The following FHIT variants were observed in gnomAD, a reference collection of about 807,000 sequenced individuals.
The protein encoded by FHIT is fragile histidine triad diadenosine triphosphatase.
Under a neutral mutation model 17.9 loss-of-function variants are expected in FHIT, and 19 were observed. That is an observed-to-expected ratio of 1.06 (90% CI 0.74 to 1.56). FHIT has a LOEUF of 1.56. FHIT is among the 40% of genes most tolerant of loss of function. FHIT has a pLI of 0.00. For missense variants in FHIT, 248 were observed against 189.2 expected (o/e 1.31, Z -1.82); for synonymous variants, 81 against 69.7 (o/e 1.16, Z -0.81).
intron 4 of FHIT, among the ~76,000 whole-genome samples, chr3:60,706,578 C>CG (rs2041378869): frequency 6.6e-6 from 1 of 152,086 alleles, no homozygotes; most frequent in African/African-American, 2.4e-5. Context: ...TTTAAAACAG[C>CG]ATTTTGTCAC....
At chr3:60,986,549 A>C (rs1040024230) in intron 3 of FHIT, among the ~76,000 whole-genome samples, 3 of 152,208 alleles carry the variant, frequency 2.0e-5, no homozygotes, top group Non-Finnish European at 4.4e-5. Flanking sequence ...TACTGCCAAC[A>C]GTAAATCTTT....
rs145703145 is a variant in FHIT at position 60,716,545 on chromosome 3, A to T, written c.-18+105374T>A. Among the ~76,000 whole-genome samples, 67 of 152,182 alleles carry T rather than the reference A, an allele frequency of 4.4e-4. 1 individual carries two copies. Among genetic ancestry groups the T allele is most frequent in the African/African-American group, 1.5e-3 (62 of 41,508 alleles). On this transcript the variant is annotated intron_variant, in intron 4 of 9. Transcript: ENST00000492590. ...GGGCAGTAACAGGCATGAAGTTCTT[A>T]CCTCCAATGAAAACAATGCCTTCTT...
intron 8 of FHIT, among the ~76,000 whole-genome samples, chr3:59,786,794 ATCT>A (rs1461040176): frequency 6.6e-6 from 1 of 152,244 alleles, no homozygotes; most frequent in Non-Finnish European, 1.5e-5. Context: ...CCATGTAGTC[ATCT>A]GTCTTGTGAG....
intron 4 of FHIT, among the ~76,000 whole-genome samples, chr3:60,575,077 A>G (rs73834241): frequency 0.012 from 1,817 of 152,248 alleles, 33 homozygotes; most frequent in African/African-American, 0.04. Context: ...ATCAGTCTCC[A>G]AAGAGTTTTC....
intron 1 of FHIT, among the ~76,000 whole-genome samples, chr3:61,203,126 G>A (rs1349419216): frequency 6.8e-6 from 1 of 147,710 alleles, no homozygotes; most frequent in Non-Finnish European, 1.5e-5. Flanking sequence ...CTTGCAGTGA[G>A]CAGAGATCGC....
intron 4 of FHIT, among the ~76,000 whole-genome samples, chr3:60,739,996 C>A (rs571660626): frequency 6.6e-6 from 1 of 152,194 alleles, no homozygotes; most frequent in African/African-American, 2.4e-5. Context: ...AGGTAACCAT[C>A]TTTCCAATAA....
At chr3:60,755,968 A>C (rs961561223) in intron 4 of FHIT, among the ~76,000 whole-genome samples, 1 of 152,224 alleles carries the variant, frequency 6.6e-6, no homozygotes, top group Non-Finnish European at 1.5e-5. Flanking sequence ...CCACCCTTAC[A>C]TTTCCAAAGT....
chr3:60,056,571 G>A (rs1266123664), intron 5 of FHIT, among the ~76,000 whole-genome samples: 1 of 152,228 alleles, frequency 6.6e-6, no homozygotes, highest in African/African-American at 2.4e-5. Context: ...CCGGGAGGGT[G>A]TGTGCTTTGC....
At chr3:60,223,606 C>G (rs917019199) in intron 5 of FHIT, among the ~76,000 whole-genome samples, 2 of 152,170 alleles carry the variant, frequency 1.3e-5, no homozygotes, top group Non-Finnish European at 2.9e-5. Context: ...CTTTTCATTA[C>G]TCAGTGATTT....
intron 3 of FHIT, among the ~76,000 whole-genome samples, chr3:60,962,898 G>T (rs1212853471): frequency 6.6e-6 from 1 of 152,154 alleles, no homozygotes; most frequent in Non-Finnish European, 1.5e-5. Context: ...CTCTTATTTG[G>T]TTGTCTCACT....
At chr3:60,931,872 T>C (rs1288583541) in intron 3 of FHIT, among the ~76,000 whole-genome samples, 1 of 152,228 alleles carries the variant, frequency 6.6e-6, no homozygotes, top group Non-Finnish European at 1.5e-5. Flanking sequence ...TGACCATTTT[T>C]GAGCAGAGCC....
chr3:60,875,922 C>CGTGTGTGTGT (rs1553756368), intron 3 of FHIT, among the ~76,000 whole-genome samples: 27 of 61,224 alleles, frequency 4.4e-4, no homozygotes, highest in Admixed American at 1.1e-3. Context: ...AAAACTTATT[C>CGTGTGTGTGT]ATGTGTGTGT....
chr3:60,518,580 T>G (rs906633826), intron 5 of FHIT, among the ~76,000 whole-genome samples: 8 of 152,316 alleles, frequency 5.3e-5, no homozygotes, highest in Non-Finnish European at 1.2e-4. Context: ...GTGATTCCAG[T>G]TTAAGAAATT....
At chr3:59,967,227 T>A (rs978780685) in intron 7 of FHIT, among the ~76,000 whole-genome samples, 1 of 152,144 alleles carries the variant, frequency 6.6e-6, no homozygotes, top group South Asian at 2.1e-4. Context: ...AAGGACCTGC[T>A]TGAAGCGGTT....
At chr3:59,852,102 G>A (rs1012888339) in intron 8 of FHIT, among the ~76,000 whole-genome samples, 3 of 152,106 alleles carry the variant, frequency 2.0e-5, no homozygotes, top group Admixed American at 6.6e-5. Flanking sequence ...TCAAGGTATG[G>A]TGGAGTTCTG....
chr3:60,150,466 T>C (rs541835209), intron 5 of FHIT, among the ~76,000 whole-genome samples: 13 of 152,202 alleles, frequency 8.5e-5, no homozygotes, highest in Non-Finnish European at 7.4e-5. Flanking sequence ...CCATCTGGCT[T>C]TGGTTACTTT....
intron 4 of FHIT, among the ~76,000 whole-genome samples, chr3:60,715,158 A>T (rs1409796760): frequency 6.6e-6 from 1 of 152,108 alleles, no homozygotes; most frequent in African/African-American, 2.4e-5. Context: ...GATCTTTGAC[A>T]AACCTGACAA....
At chr3:60,909,202 C>G (rs782349405) in intron 3 of FHIT, among the ~76,000 whole-genome samples, 15 of 151,944 alleles carry the variant, frequency 9.9e-5, no homozygotes, top group Non-Finnish European at 1.5e-5. Flanking sequence ...AACTCCGTCT[C>G]TACTAAAAAT....
intron 5 of FHIT, among the ~76,000 whole-genome samples, chr3:60,442,544 T>G (rs887199754): frequency 4.6e-5 from 7 of 152,292 alleles, no homozygotes; most frequent in Middle Eastern, 3.4e-3. Context: ...TTTCCCCATT[T>G]CTTGTTTATG....
Sources: gnomAD v4.1 joint callset for allele counts (sites outside exome capture counted in the v4.1 genomes callset) on GRCh38, gnomAD v4.1.1 for gene constraint, MANE v1.5 for transcripts, NCBI Gene and HGNC (gene_info 2026-07-23, HGNC 2026-07-21) for gene names.